The following ADGRB3 variants were observed in gnomAD, a reference collection of about 807,000 sequenced individuals.
ADGRB3 encodes the protein adhesion G protein-coupled receptor B3, also known as brain-specific angiogenesis inhibitor 3.
In ADGRB3, 37 loss-of-function variants were observed where a neutral mutation model predicts 193.4. That is an observed-to-expected ratio of 0.19 (90% confidence interval 0.15 to 0.25). The LOEUF is 0.25. ADGRB3 is among the 10% of genes least tolerant of loss of function. The pLI is 1.00. For missense variants in ADGRB3, 1,637 were observed against 1,852.9 expected (o/e 0.88, Z 2.14); for synonymous variants, 690 against 644.2 (o/e 1.07, Z -1.08).
At chr6:68,785,851 A>C (rs1176851953) in intron 3 of ADGRB3, among the ~76,000 whole-genome samples, 3 of 152,108 alleles carry the variant, frequency 2.0e-5, no homozygotes, top group Non-Finnish European at 4.4e-5. Flanking sequence ...TCGCCATTCT[A>C]ACTGGTGTGA....
At chr6:68,693,150 G>C (rs996151540) in intron 3 of ADGRB3, among the ~76,000 whole-genome samples, 1 of 151,824 alleles carries the variant, frequency 6.6e-6, no homozygotes, top group African/African-American at 2.4e-5. Context: ...GAAATGCAAG[G>C]TTTAGAGAAC....
chr6:69,203,138 AC>A (rs1759338763), intron 17 of ADGRB3, among the ~76,000 whole-genome samples: 2 of 152,198 alleles, frequency 1.3e-5, no homozygotes, highest in Non-Finnish European at 2.9e-5. Context: ...TTTGAAAAAA[AC>A]AAACAAAAAA....
At chr6:68,667,819 C>A (rs972839765) in intron 3 of ADGRB3, among the ~76,000 whole-genome samples, 2 of 151,790 alleles carry the variant, frequency 1.3e-5, no homozygotes, top group African/African-American at 2.4e-5. Flanking sequence ...GCCACTGGTA[C>A]ACTGAAAAAT....
At chr6:68,647,961 A>G (rs1768253874) in intron 3 of ADGRB3, among the ~76,000 whole-genome samples, 1 of 152,146 alleles carries the variant, frequency 6.6e-6, no homozygotes, top group Non-Finnish European at 1.5e-5. Context: ...AAAAATCAAA[A>G]ATGGTTAGCA....
At chr6:68,744,565 T>G (rs1373967713) in intron 3 of ADGRB3, among the ~76,000 whole-genome samples, 2 of 152,090 alleles carry the variant, frequency 1.3e-5, no homozygotes, top group South Asian at 4.1e-4. Flanking sequence ...CCATAAAAAA[T>G]GATGAGTTCA....
intron 17 of ADGRB3, among the ~76,000 whole-genome samples, chr6:69,109,544 A>T (rs1432779853): frequency 6.6e-6 from 1 of 152,238 alleles, no homozygotes; most frequent in East Asian, 1.9e-4. Context: ...AACTCAAATT[A>T]TGAGGTAGGT....
intron 24 of ADGRB3, among the ~76,000 whole-genome samples, chr6:69,336,510 G>T (rs1016197172): frequency 6.6e-6 from 1 of 151,704 alleles, no homozygotes; most frequent in Non-Finnish European, 1.5e-5. Context: ...AAAGAAAAAG[G>T]AAAAATAACA....
intron 10 of ADGRB3, among the ~76,000 whole-genome samples, chr6:68,986,696 A>G (rs1383271214): frequency 3.3e-5 from 5 of 152,144 alleles, no homozygotes; most frequent in Non-Finnish European, 7.4e-5. Context: ...TTATGAAAAA[A>G]GCTCTATGTA....
chr6:68,825,199 TC>T (rs1329096134), intron 3 of ADGRB3, among the ~76,000 whole-genome samples: 1 of 152,106 alleles, frequency 6.6e-6, no homozygotes, highest in African/African-American at 2.4e-5. Context: ...AATTTTTTTT[TC>T]GTAAATTAAT....
rs1765341082 is a variant in ADGRB3 at position 69,198,202 on chromosome 6, C to A, written c.2481-35088C>A. 2.6e-5 allele frequency among the ~76,000 whole-genome samples: 4 copies of A among 152,024 alleles called. 1 individual carries two copies. The South Asian group carries it at 8.3e-4, about 32-fold the overall frequency. Reference sequence around the variant, plus strand: ...TACTAAAATATAAGTTCTGTGAGAGCAGGACTTTGTTGGTCTTACTCATAA... The same window carrying A: ...TACTAAAATATAAGTTCTGTGAGAGAAGGACTTTGTTGGTCTTACTCATAA... On this transcript the variant is annotated intron_variant, in intron 17 of 31. Transcript: ENST00000370598.
intron 3 of ADGRB3, among the ~76,000 whole-genome samples, chr6:68,670,016 T>C (rs1224645418): frequency 6.6e-6 from 1 of 152,038 alleles, no homozygotes; most frequent in Non-Finnish European, 1.5e-5. Context: ...TATCTGATGA[T>C]CAGTGATGTT....
At chr6:68,653,562 C>A (rs183159061) in intron 3 of ADGRB3, among the ~76,000 whole-genome samples, 2 of 152,116 alleles carry the variant, frequency 1.3e-5, no homozygotes, top group African/African-American at 4.8e-5. Flanking sequence ...TATGATTTAT[C>A]AAAAATGATC....
chr6:68,914,364 C>A (rs1766815576), intron 3 of ADGRB3, among the ~76,000 whole-genome samples: 1 of 152,118 alleles, frequency 6.6e-6, no homozygotes, highest in African/African-American at 2.4e-5. Flanking sequence ...ACTCTACAAG[C>A]CAGAAGAGTG....
intron 3 of ADGRB3, among the ~76,000 whole-genome samples, chr6:68,653,163 C>T (rs1768409690): frequency 1.3e-5 from 2 of 152,096 alleles, no homozygotes; most frequent in Admixed American, 6.6e-5. Flanking sequence ...AGAAGGGGCT[C>T]CTCTCTCAGC....
chr6:69,292,829 A>T (rs1767718846), intron 20 of ADGRB3, among the ~76,000 whole-genome samples: 1 of 152,014 alleles, frequency 6.6e-6, no homozygotes, highest in Non-Finnish European at 1.5e-5. Flanking sequence ...CTAACCCGTC[A>T]TCTAGCATGA....
At chr6:69,368,716 C>T (rs1769640380) in intron 29 of ADGRB3, among the ~76,000 whole-genome samples, 1 of 152,040 alleles carries the variant, frequency 6.6e-6, no homozygotes. Context: ...AATAAGAAGA[C>T]TGAGAGCTGA....
chr6:69,164,371 G>T (rs1350655006), intron 17 of ADGRB3, among the ~76,000 whole-genome samples: 1 of 145,030 alleles, frequency 6.9e-6, no homozygotes, highest in African/African-American at 2.5e-5. Context: ...TGTCAAGTTA[G>T]AAAAAAAAAA....
chr6:68,669,048 A>G (rs1768872843), intron 3 of ADGRB3, among the ~76,000 whole-genome samples: 2 of 152,056 alleles, frequency 1.3e-5, no homozygotes, highest in South Asian at 4.2e-4. Flanking sequence ...TTGTGAATGT[A>G]TGTATGTATT....
intron 28 of ADGRB3, among the ~76,000 whole-genome samples, chr6:69,359,248 T>C (rs916781770): frequency 6.6e-6 from 1 of 151,710 alleles, no homozygotes; most frequent in African/African-American, 2.4e-5. Flanking sequence ...TACAATATCA[T>C]TAAATCATTA....
Sources: allele counts gnomAD v4.1 joint callset (sites outside exome capture counted in the v4.1 genomes callset), GRCh38; gene constraint gnomAD v4.1.1; transcripts MANE v1.5; gene names NCBI Gene and HGNC (gene_info 2026-07-23, HGNC 2026-07-21).